The following SSBP3 variants were observed in gnomAD, a reference collection of about 807,000 sequenced individuals.
SSBP3 encodes single-stranded DNA-binding protein 3.
In SSBP3, 5 loss-of-function variants were observed where a neutral mutation model predicts 69.6. The ratio of observed to expected loss-of-function variants is 0.07; its 90% CI spans 0.04 to 0.15. The LOEUF is 0.15. SSBP3 is among the 10% of genes least tolerant of loss of function. SSBP3 has a pLI of 1.00. For synonymous variants in SSBP3, 196 were observed against 193.4 expected (o/e 1.01, Z -0.11); for missense variants, 312 against 534.0 (o/e 0.58, Z 4.10).
In SSBP3 at chr1:54,294,159, AAAAG is replaced by A. The variant is rs747680453; in HGVS notation, c.277-12636_277-12633del. 9.4e-3 allele frequency among the ~76,000 whole-genome samples: 808 copies of A among 85,824 alleles called. 13 individuals carry two copies. Among genetic ancestry groups the A allele is most frequent in the Middle Eastern group, 0.014 (2 of 138 alleles). The allele number at this position is 85,824 out of a possible 152,430, so 56.3% of individuals were successfully genotyped here. A position where few individuals can be genotyped will look rare whatever the true frequency, so the allele number is the denominator to read the frequency against. On this transcript the variant is annotated intron_variant, in intron 4 of 17. Transcript: ENST00000610401. ...CTCCATCTCAAAAAAAAAAAAAAAA[AAAAG>A]AAAGAAAGAAAGAAAGAAAGAAAGA...
At chr1:54,390,152 C>G (rs1166537764) in intron 4 of SSBP3, among the ~76,000 whole-genome samples, 1 of 152,206 alleles carries the variant, frequency 6.6e-6, no homozygotes, top group Non-Finnish European at 1.5e-5. Context: ...CATTGTCCAA[C>G]AGGGAGATAC....
chr1:54,394,151 A>G (rs552784449), intron 4 of SSBP3, among the ~76,000 whole-genome samples: 1 of 152,318 alleles, frequency 6.6e-6, no homozygotes, highest in South Asian at 2.1e-4. Context: ...CGTAACTGCA[A>G]CAAGGCAAAG....
At chr1:54,301,731 C>T (rs1645805251) in intron 4 of SSBP3, among the ~76,000 whole-genome samples, 1 of 152,190 alleles carries the variant, frequency 6.6e-6, no homozygotes, top group African/African-American at 2.4e-5. Context: ...AGATGGGAAG[C>T]CAGGCATCCC....
chr1:54,369,882 T>C lies in SSBP3; in HGVS notation c.276+31979A>G, dbSNP rs2100673096. On this transcript the variant is annotated intron_variant, in intron 4 of 17. Coordinates refer to ENST00000610401, the Ensembl canonical transcript of SSBP3. ...GGGCACAACATTGCTCCATTTTTTTTTACCCTGCTGCCTCTCTCGGGATCC... is the reference window on the plus strand; with the variant it reads ...GGGCACAACATTGCTCCATTTTTTTCTACCCTGCTGCCTCTCTCGGGATCC... 4.6e-5 allele frequency among the ~76,000 whole-genome samples: 7 copies of C among 152,300 alleles called. No individual in the cohort carries two copies. In the South Asian group the frequency reaches 1.5e-3, roughly 32 times the overall value.
chr1:54,294,407 A>G (rs1186403603), intron 4 of SSBP3, among the ~76,000 whole-genome samples: 1 of 139,886 alleles, frequency 7.1e-6, no homozygotes, highest in Non-Finnish European at 1.5e-5. Context: ...TGGGCAGGCC[A>G]CATCTCCCAG....
At chr1:54,265,200 G>C (rs189565354) in intron 5 of SSBP3, among the ~76,000 whole-genome samples, 1 of 152,332 alleles carries the variant, frequency 6.6e-6, no homozygotes, top group Non-Finnish European at 1.5e-5. Flanking sequence ...GGGGGAGGAA[G>C]GGAAAGCAAG....
chr1:54,268,879 C>T (rs920775570), intron 5 of SSBP3, among the ~76,000 whole-genome samples: 1 of 152,172 alleles, frequency 6.6e-6, no homozygotes, highest in Non-Finnish European at 1.5e-5. Flanking sequence ...CTCTGTGGTG[C>T]TGCTGGAAAA....
intron 13 of SSBP3, among the ~76,000 whole-genome samples, chr1:54,240,044 T>TG (rs71867917): frequency 1.5e-5 from 2 of 132,462 alleles, no homozygotes; most frequent in Non-Finnish European, 3.4e-5. Flanking sequence ...ATAATTGTGA[T>TG]GGGGTGTGTG....
chr1:54,343,053 A>T (rs1646635420), intron 4 of SSBP3, among the ~76,000 whole-genome samples: 1 of 152,200 alleles, frequency 6.6e-6, no homozygotes, highest in Non-Finnish European at 1.5e-5. Context: ...CACATTTCCC[A>T]GGATTGGCGG....
chr1:54,377,764 G>C (rs1001042280), intron 4 of SSBP3, among the ~76,000 whole-genome samples: 6 of 152,152 alleles, frequency 3.9e-5, no homozygotes, highest in Non-Finnish European at 2.9e-5. Flanking sequence ...TCCTAGAAAG[G>C]TGGGTTAGAA....
At chr1:54,298,871 A>G (rs979494014) in intron 4 of SSBP3, among the ~76,000 whole-genome samples, 4 of 151,018 alleles carry the variant, frequency 2.6e-5, no homozygotes, top group African/African-American at 9.7e-5. Context: ...AATATATCCC[A>G]AGGAAATAAC....
rs1482317934 is a variant in SSBP3, at chr1:54,281,430, G to A, written c.366+8C>T. Reference sequence around the variant, plus strand: ...GTGGAGCACAAGACCCACGGGCCCCGCACGTACCTGAAAGAAACCTGGCGG... The same window carrying A: ...GTGGAGCACAAGACCCACGGGCCCCACACGTACCTGAAAGAAACCTGGCGG... On this transcript the variant is annotated splice_region_variant and intron_variant, in intron 5 of 17. Transcript: ENST00000610401. 13 of 1,554,470 alleles carry A rather than the reference G, an allele frequency of 8.4e-6. No individual in the cohort carries two copies. The highest frequency in any genetic ancestry group is 1.7e-4 in the Middle Eastern group (1 of 5,978).
At chr1:54,277,224 C>T (rs1263499038) in intron 5 of SSBP3, among the ~76,000 whole-genome samples, 1 of 151,962 alleles carries the variant, frequency 6.6e-6, no homozygotes, top group Non-Finnish European at 1.5e-5. Context: ...GTAGACATTG[C>T]CAGTCACTAT....
chr1:54,228,335 C>G, exon 17 of SSBP3: 2 of 1,614,116 alleles, frequency 1.2e-6, no homozygotes, highest in Non-Finnish European at 1.7e-6. Context: ...TTGCTAATGC[C>G]ACTTATGTTG....
chr1:54,293,874 C>T (rs143341434), intron 4 of SSBP3, among the ~76,000 whole-genome samples: 1,546 of 152,204 alleles, frequency 0.01, 13 homozygotes, highest in Middle Eastern at 0.027. Context: ...TGGTGGCTCT[C>T]GCCTGTAATC....
chr1:54,342,264 G>A (rs1322902342), intron 4 of SSBP3, among the ~76,000 whole-genome samples: 1 of 152,222 alleles, frequency 6.6e-6, no homozygotes, highest in African/African-American at 2.4e-5. Context: ...CTCCACTCCT[G>A]CCCCCACGCC....
chr1:54,240,484 CGGG>C (rs1644613262), intron 13 of SSBP3, among the ~76,000 whole-genome samples: 1 of 17,492 alleles, frequency 5.7e-5, no homozygotes, highest in South Asian at 1.5e-3. Context: ...GGGGGGGGGG[CGGG>C]GGGGAGAAGG....
At chr1:54,400,137 T>C (rs1171683616) in intron 4 of SSBP3, among the ~76,000 whole-genome samples, 1 of 152,214 alleles carries the variant, frequency 6.6e-6, no homozygotes, top group Non-Finnish European at 1.5e-5. Flanking sequence ...ATGGCCGCCA[T>C]ATTGTTTCAG....
chr1:54,368,656 G>C (rs1432010335), intron 4 of SSBP3, among the ~76,000 whole-genome samples: 1 of 152,012 alleles, frequency 6.6e-6, no homozygotes. Context: ...TAGTACACTA[G>C]AAACTCTGAG....
Sources: gnomAD v4.1 joint callset for allele counts (sites outside exome capture counted in the v4.1 genomes callset) on GRCh38, gnomAD v4.1.1 for gene constraint, MANE v1.5 for transcripts, NCBI Gene and HGNC (gene_info 2026-07-23, HGNC 2026-07-21) for gene names.